SOX5: variants seen among roughly 807,000 people sequenced by gnomAD.
The protein encoded by SOX5 is SRY-box transcription factor 5.
SOX5 carries 9 observed loss-of-function variants against 92.0 expected under a neutral mutation model. The observed-to-expected ratio is 0.10, with a 90% confidence interval of 0.06 to 0.17. The LOEUF (loss-of-function observed/expected upper bound fraction) is 0.17, where lower values mean the gene tolerates loss of function less well. Among genes scored for constraint, SOX5 ranks in the 10% least tolerant of loss-of-function variants. The pLI is 1.00. For synonymous variants in SOX5, 344 were observed against 336.3 expected, an observed-to-expected ratio of 1.02 and a Z score of -0.25; for missense variants, 642 against 944.5, an observed-to-expected ratio of 0.68 and a Z score of 4.20.
chr12:24,425,572 AT>A (rs1201706181), intron 1 of SOX5, among the ~76,000 whole-genome samples: 1 of 152,130 alleles, frequency 6.6e-6, no homozygotes, highest in Non-Finnish European at 1.5e-5. Flanking sequence ...GCACTTTGTA[AT>A]TTTTTTACAA....
At chr12:24,545,617 C>T (rs958819812) in intron 1 of SOX5, among the ~76,000 whole-genome samples, 2 of 152,174 alleles carry the variant, frequency 1.3e-5, no homozygotes, top group South Asian at 4.1e-4. Context: ...CTTTGGCATC[C>T]GCATTTTAAT....
chr12:24,140,076 T>C (rs1950440086), intron 4 of SOX5, among the ~76,000 whole-genome samples: 1 of 152,172 alleles, frequency 6.6e-6, no homozygotes, highest in African/African-American at 2.4e-5. Context: ...TCACCCTGGT[T>C]GCGAAAACAA....
intron 4 of SOX5, among the ~76,000 whole-genome samples, chr12:24,208,692 C>T (rs866792088): frequency 5.3e-5 from 8 of 152,122 alleles, no homozygotes; most frequent in East Asian, 1.9e-4. Context: ...CAGCTCTTCA[C>T]GCCAAATTTA....
At chr12:23,989,218 CA>C (rs554892984) in intron 4 of SOX5, among the ~76,000 whole-genome samples, 10,695 of 104,374 alleles carry the variant, frequency 0.1, 432 homozygotes, top group East Asian at 0.25. Flanking sequence ...GCCAAAAATA[CA>C]AAAAAAAAAA....
intron 2 of SOX5, among the ~76,000 whole-genome samples, chr12:24,280,619 T>A (rs534238540): frequency 6.6e-6 from 1 of 152,166 alleles, no homozygotes; most frequent in South Asian, 2.1e-4. Context: ...CAAGCCACAT[T>A]AAAGGGGACA....
chr12:24,561,513 A>G (rs978283255), intron 1 of SOX5, among the ~76,000 whole-genome samples: 1 of 152,132 alleles, frequency 6.6e-6, no homozygotes, highest in Non-Finnish European at 1.5e-5. Flanking sequence ...AACTCGTATA[A>G]CCTCTTTTCA....
chr12:24,278,321 C>A (rs1944731537), intron 2 of SOX5, among the ~76,000 whole-genome samples: 1 of 152,112 alleles, frequency 6.6e-6, no homozygotes, highest in Non-Finnish European at 1.5e-5. Context: ...AATTCAAGTG[C>A]CACAATGTTG....
chr12:24,008,419 A>G (rs1436273756), intron 4 of SOX5, among the ~76,000 whole-genome samples: 11 of 152,134 alleles, frequency 7.2e-5, no homozygotes, highest in Non-Finnish European at 1.5e-4. Context: ...CAGGTTTAAC[A>G]GATAGGGCCT....
At chr12:23,799,003 C>A (rs566689381) in intron 3 of SOX5, among the ~76,000 whole-genome samples, 2 of 151,838 alleles carry the variant, frequency 1.3e-5, no homozygotes, top group Non-Finnish European at 2.9e-5. Flanking sequence ...AAATTGTCAT[C>A]GTACTATAAT....
At chr12:23,840,930 T>C (rs951838525) in intron 3 of SOX5, among the ~76,000 whole-genome samples, 1 of 152,128 alleles carries the variant, frequency 6.6e-6, no homozygotes, top group Non-Finnish European at 1.5e-5. Context: ...CCCTGGATTA[T>C]GTGATGATTG....
At chr12:23,737,417 G>T (rs2093642954) in intron 5 of SOX5, among the ~76,000 whole-genome samples, 1 of 152,082 alleles carries the variant, frequency 6.6e-6, no homozygotes, top group Admixed American at 6.6e-5. Context: ...GTGGGCACCT[G>T]TAATCCCAGC....
intron 7 of SOX5, among the ~76,000 whole-genome samples, chr12:23,654,485 A>G (rs2082068220): frequency 6.6e-6 from 1 of 152,140 alleles, no homozygotes; most frequent in Non-Finnish European, 1.5e-5. Context: ...ACATATAATC[A>G]AAACAAAATC....
intron 1 of SOX5, among the ~76,000 whole-genome samples, chr12:24,389,728 G>T (rs1480631210): frequency 6.6e-6 from 1 of 152,040 alleles, no homozygotes; most frequent in African/African-American, 2.4e-5. Flanking sequence ...ATTTTGCTTG[G>T]GTGGATACCT....
intron 3 of SOX5, among the ~76,000 whole-genome samples, chr12:24,216,324 A>G (rs1264292390): frequency 1.3e-5 from 2 of 152,108 alleles, no homozygotes; most frequent in Non-Finnish European, 2.9e-5. Context: ...TCTACTAAAA[A>G]TACAAAACAT....
intron 1 of SOX5, among the ~76,000 whole-genome samples, chr12:24,503,070 CATT>C (rs1218368274): frequency 6.6e-6 from 1 of 152,178 alleles, no homozygotes; most frequent in Non-Finnish European, 1.5e-5. Context: ...ACAAAAATAA[CATT>C]AGTAGGAAAG....
chr12:24,301,327 G>T (rs1231366091), intron 2 of SOX5, among the ~76,000 whole-genome samples: 1 of 152,032 alleles, frequency 6.6e-6, no homozygotes, highest in Non-Finnish European at 1.5e-5. Context: ...TTAAGTGTCT[G>T]GATTATTTAT....
At chr12:23,649,405 T>C (rs1208389525) in intron 7 of SOX5, among the ~76,000 whole-genome samples, 3 of 152,088 alleles carry the variant, frequency 2.0e-5, no homozygotes, top group Non-Finnish European at 4.4e-5. Flanking sequence ...TCATACTTAG[T>C]AAAAAAATCA....
chr12:24,496,373 T>C (rs1947639472), intron 1 of SOX5, among the ~76,000 whole-genome samples: 1 of 152,194 alleles, frequency 6.6e-6, no homozygotes, highest in Admixed American at 6.5e-5. Flanking sequence ...AAAGTGTCAT[T>C]GACTTAAAAA....
intron 6 of SOX5, among the ~76,000 whole-genome samples, chr12:23,695,193 G>A (rs1019940265): frequency 6.6e-6 from 1 of 151,684 alleles, no homozygotes; most frequent in African/African-American, 2.4e-5. Flanking sequence ...CCACTGATCT[G>A]TACATTTGTC....
Sources: allele counts gnomAD v4.1 joint callset (sites outside exome capture counted in the v4.1 genomes callset), GRCh38; gene constraint gnomAD v4.1.1; transcripts MANE v1.5; gene names NCBI Gene and HGNC (gene_info 2026-07-23, HGNC 2026-07-21).